Variants in VAV3 observed in about 807,000 individuals in gnomAD.
VAV3 encodes the protein vav guanine nucleotide exchange factor 3, also known as guanine nucleotide exchange factor VAV3.
VAV3 carries 94 observed loss-of-function variants against 131.2 expected under a neutral mutation model. That is an observed-to-expected ratio of 0.72 (90% confidence interval 0.61 to 0.85). The LOEUF (loss-of-function observed/expected upper bound fraction) is 0.85. Among genes scored for constraint, VAV3 ranks in the 40% least tolerant of loss-of-function variants. VAV3 has a pLI of 0.00. For synonymous variants in VAV3, 349 were observed against 342.0 expected (o/e 1.02, Z -0.22); for missense variants, 939 against 1,002.7 (o/e 0.94, Z 0.86).
At chr1:107,839,401 C>T (rs1026804961) in intron 2 of VAV3, among the ~76,000 whole-genome samples, 2 of 152,032 alleles carry the variant, frequency 1.3e-5, no homozygotes, top group South Asian at 2.1e-4. Flanking sequence ...GTCTAGATAT[C>T]TGTTAATTAA....
intron 25 of VAV3, chr1:107,576,459 A>G (rs1649658236): frequency 2.0e-6 from 3 of 1,517,280 alleles, no homozygotes; most frequent in Non-Finnish European, 1.8e-6. Flanking sequence ...AAGAAAAGCC[A>G]CAGAACAAAG....
In VAV3 at chr1:107,907,224, G is replaced by A. The variant is rs575245111; in HGVS notation, c.205-32207C>T. On this transcript the variant is annotated intron_variant, in intron 1 of 26. Transcript: ENST00000370056. ...TGAAGAATAAATGGTCATATACAAAGTTTTAGTCAAAAAGATGCAGAGCAA... is the reference window on the plus strand; with the variant it reads ...TGAAGAATAAATGGTCATATACAAAATTTTAGTCAAAAAGATGCAGAGCAA... 5.9e-5 allele frequency among the ~76,000 whole-genome samples: 9 copies of A among 152,244 alleles called. No homozygotes were observed. In the South Asian group the frequency reaches 1.9e-3, roughly 32 times the overall value.
chr1:107,678,865 A>T (rs1570738979), intron 19 of VAV3, among the ~76,000 whole-genome samples: 1 of 152,168 alleles, frequency 6.6e-6, no homozygotes, highest in African/African-American at 2.4e-5. Context: ...ACAATTCACT[A>T]ATTGTTTTTA....
intron 2 of VAV3, among the ~76,000 whole-genome samples, chr1:107,846,013 A>T (rs1668950335): frequency 6.6e-6 from 1 of 152,124 alleles, no homozygotes; most frequent in Non-Finnish European, 1.5e-5. Context: ...TCCCCAAGGC[A>T]GAAATGAAGG....
chr1:107,648,198 C>A (rs377112758), intron 19 of VAV3, among the ~76,000 whole-genome samples: 1 of 151,992 alleles, frequency 6.6e-6, no homozygotes. Context: ...ATGGAAATAG[C>A]ACTGTCACAG....
At chr1:107,874,873 A>C in intron 2 of VAV3, 28 bp downstream of exon 2, 1 of 1,579,374 alleles carries the variant, frequency 6.3e-7, no homozygotes, top group South Asian at 1.1e-5. Flanking sequence ...CCAGTTAAAA[A>C]GTAGTGTTAA....
intron 17 of VAV3, among the ~76,000 whole-genome samples, chr1:107,701,845 C>T (rs191967382): frequency 1.0e-3 from 156 of 152,244 alleles, no homozygotes; most frequent in African/African-American, 3.4e-3. Flanking sequence ...CACCTCAGCC[C>T]GAACTTCATT....
chr1:107,694,002 T>C (rs1208953591), intron 17 of VAV3, among the ~76,000 whole-genome samples: 2 of 151,938 alleles, frequency 1.3e-5, no homozygotes, highest in African/African-American at 2.4e-5. Context: ...AGTCACAAGA[T>C]CAAACTGATC....
At chr1:107,795,473 T>C (rs1207390148) in intron 2 of VAV3, among the ~76,000 whole-genome samples, 1 of 152,208 alleles carries the variant, frequency 6.6e-6, no homozygotes, top group Non-Finnish European at 1.5e-5. Context: ...TGTTTCTGTT[T>C]TGGTACTATT....
rs1384708975 is a variant in VAV3 at position 107,785,648 on chromosome 1, G to C, written c.322-6156C>G. 4.5e-6 allele frequency: 5 copies of C among 1,120,450 alleles called. No homozygotes were observed. The East Asian group carries it at 5.0e-4, about 111-fold the overall frequency. The allele number at this position is 1,120,450 out of a possible 1,614,324, so 69.4% of individuals were successfully genotyped here. A position where few individuals can be genotyped will look rare whatever the true frequency, so the allele number is the denominator to read the frequency against. On this transcript the variant is annotated intron_variant, in intron 2 of 26. Coordinates refer to ENST00000370056, the MANE Select transcript of VAV3 (RefSeq NM_006113.5). Reference sequence around the variant, plus strand: ...GAAGGATCAGAGCAAGTGCCCTGTGGGGTTGTGGAGAAAAACTTGGGCCCC... The same window carrying C: ...GAAGGATCAGAGCAAGTGCCCTGTGCGGTTGTGGAGAAAAACTTGGGCCCC...
intron 1 of VAV3, among the ~76,000 whole-genome samples, chr1:107,889,949 AT>A (rs1671235984): frequency 6.6e-6 from 1 of 152,256 alleles, no homozygotes; most frequent in Admixed American, 6.5e-5. Context: ...GGCTGTGGAA[AT>A]TAACAGAATT....
At chr1:107,795,969 A>C (rs1666519988) in intron 2 of VAV3, among the ~76,000 whole-genome samples, 1 of 152,128 alleles carries the variant, frequency 6.6e-6, no homozygotes. Context: ...ATTAAATCCT[A>C]ATTCTCAGAG....
At chr1:107,788,319 C>A (rs921618720) in intron 2 of VAV3, among the ~76,000 whole-genome samples, 2 of 151,896 alleles carry the variant, frequency 1.3e-5, no homozygotes, top group African/African-American at 4.8e-5. Flanking sequence ...CAGAGAAGTC[C>A]CCAGGAGCTG....
intron 3 of VAV3, among the ~76,000 whole-genome samples, chr1:107,778,344 G>A (rs1665482628): frequency 6.6e-6 from 1 of 151,990 alleles, no homozygotes; most frequent in African/African-American, 2.4e-5. Context: ...AGAAAAAAAG[G>A]AGAAAAATTT....
At chr1:107,605,127 TTC>T (rs1367611430) in intron 22 of VAV3, among the ~76,000 whole-genome samples, 1 of 152,206 alleles carries the variant, frequency 6.6e-6, no homozygotes, top group Non-Finnish European at 1.5e-5. Context: ...TTTGTTCAAG[TTC>T]TCTGTCTCTA....
At chr1:107,761,115 C>T (rs145305659) in intron 9 of VAV3, among the ~76,000 whole-genome samples, 2,848 of 152,164 alleles carry the variant, frequency 0.019, 90 homozygotes, top group African/African-American at 0.064. Context: ...CTTGGCCGGG[C>T]GCGGTGGCTC....
intron 2 of VAV3, among the ~76,000 whole-genome samples, chr1:107,867,384 G>A (rs960863696): frequency 6.6e-6 from 1 of 152,146 alleles, no homozygotes; most frequent in Non-Finnish European, 1.5e-5. Context: ...AGAGGAGGTA[G>A]GAATGGAAAA....
intron 1 of VAV3, among the ~76,000 whole-genome samples, chr1:107,910,444 A>G (rs1672313647): frequency 6.6e-6 from 1 of 152,166 alleles, no homozygotes; most frequent in South Asian, 2.1e-4. Flanking sequence ...ATTATATGCT[A>G]TTTGTTTTCA....
intron 2 of VAV3, among the ~76,000 whole-genome samples, chr1:107,780,726 G>A (rs531191874): frequency 9.9e-5 from 15 of 152,246 alleles, no homozygotes; most frequent in Admixed American, 8.5e-4. Context: ...ATGTCGGCCA[G>A]GCTGGTCTCG....
Sources: allele counts gnomAD v4.1 joint callset (sites outside exome capture counted in the v4.1 genomes callset), GRCh38; gene constraint gnomAD v4.1.1; transcripts MANE v1.5; gene names NCBI Gene and HGNC (gene_info 2026-07-23, HGNC 2026-07-21).